RNF220: variants seen among roughly 807,000 people sequenced by gnomAD.
RNF220 encodes the protein ring finger protein 220, also known as E3 ubiquitin-protein ligase RNF220.
A neutral mutation model predicts 67.1 loss-of-function variants in RNF220; 7 were observed. The ratio of observed to expected loss-of-function variants is 0.10; its 90% CI spans 0.06 to 0.20. The LOEUF is 0.20. RNF220 is among the 10% of genes least tolerant of loss of function. RNF220 has a pLI of 1.00. For synonymous variants in RNF220, 270 were observed against 283.2 expected (o/e 0.95, Z 0.47); for missense variants, 565 against 740.3 (o/e 0.76, Z 2.75).
Position 44,417,995 on chromosome 1 carries a change from G to GC in RNF220, c.625+5279dup, listed in dbSNP as rs1311054173. On this transcript the variant is annotated intron_variant, in intron 2 of 14. Transcript: ENST00000361799. The surrounding 1 kb of genome is among the most constrained non-coding windows in gnomAD (Gnocchi z 4.0). ...GGCCGCACACACGAGGGCCCGTCGC[G>GC]CCCCCCGCCCTGCCCCGCCTCGCCC... Among the ~76,000 whole-genome samples, 1 of 151,932 alleles carries GC rather than the reference G, an allele frequency of 6.6e-6. No individual in the cohort carries two copies. Among genetic ancestry groups the GC allele is most frequent in the Non-Finnish European group, 1.5e-5 (1 of 67,912 alleles).
chr1:44,579,986 G>A (rs915318867), intron 2 of RNF220, among the ~76,000 whole-genome samples: 1 of 121,820 alleles, frequency 8.2e-6, no homozygotes, highest in Non-Finnish European at 1.6e-5. Context: ...GCCATGTCAT[G>A]CCACTGCACT....
At chr1:44,579,356 G>A (rs1039910302) in intron 2 of RNF220, among the ~76,000 whole-genome samples, 1 of 152,116 alleles carries the variant, frequency 6.6e-6, no homozygotes, top group Admixed American at 6.6e-5. Context: ...GAAAGGACAG[G>A]GAGGCTTGAT....
At chr1:44,601,051 C>A (rs1256078476) in intron 2 of RNF220, among the ~76,000 whole-genome samples, 2 of 152,198 alleles carry the variant, frequency 1.3e-5, no homozygotes, top group African/African-American at 4.8e-5. Context: ...TGCATCTGTT[C>A]TCTCACTAGA....
At chr1:44,529,169 G>A (rs1191060877) in intron 2 of RNF220, among the ~76,000 whole-genome samples, 1 of 152,088 alleles carries the variant, frequency 6.6e-6, no homozygotes, top group Non-Finnish European at 1.5e-5. Flanking sequence ...ATTATTTATA[G>A]CAGAGAAAAT....
At position 44,632,379 on chromosome 1, in the gene RNF220, C is replaced by T. The variant is rs752073639; in HGVS notation, c.943C>T (p.Leu315=). 1.2e-6 allele frequency: 2 copies of T among 1,613,704 alleles called. No homozygotes were observed. Among genetic ancestry groups the T allele is most frequent in the Non-Finnish European group, 1.7e-6 (2 of 1,179,982 alleles). The change falls in exon 6 of 15, where the codon CTG becomes TTG. Residue 315 remains leucine (L), a synonymous_variant. Coordinates refer to ENST00000361799, the MANE Select transcript of RNF220 (RefSeq NM_018150.4). ...LRVRANRQTR[L]NARIGKMKRR... ...AGTACGAGCCAACCGGCAGACCCGA[C>T]TGAATGGTGAGTCCTGCCCGGCCCC...
intron 2 of RNF220, among the ~76,000 whole-genome samples, chr1:44,607,732 G>A (rs200812006): frequency 8.4e-4 from 127 of 151,692 alleles, no homozygotes; most frequent in African/African-American, 2.8e-3. Context: ...CTCGTGATCC[G>A]CCCGCCTCGG....
intron 2 of RNF220, among the ~76,000 whole-genome samples, chr1:44,487,470 A>C (rs1299981680): frequency 6.6e-6 from 1 of 151,696 alleles, no homozygotes; most frequent in Non-Finnish European, 1.5e-5. Flanking sequence ...TTGAGAGTAA[A>C]GTCTCAAAAT....
chr1:44,494,255 G>A (rs1316781667), intron 2 of RNF220, among the ~76,000 whole-genome samples: 2 of 151,550 alleles, frequency 1.3e-5, no homozygotes, highest in African/African-American at 4.9e-5. Flanking sequence ...AGCAGTAATG[G>A]TGGGGATGGT....
At chr1:44,466,726 C>A (rs4660804) in intron 2 of RNF220, among the ~76,000 whole-genome samples, 46,709 of 152,078 alleles carry the variant, frequency 0.31, 7,367 homozygotes, top group Middle Eastern at 0.4. Context: ...TGATAGGAAT[C>A]TTTTTCTCTT....
chr1:44,408,155 C>T (rs1462707869), intron 1 of RNF220, among the ~76,000 whole-genome samples: 1 of 152,152 alleles, frequency 6.6e-6, no homozygotes, highest in Non-Finnish European at 1.5e-5. Flanking sequence ...ACCTCTTCTT[C>T]CCCCGTTTTC....
At chr1:44,410,749 A>G (rs924004979) in intron 1 of RNF220, 52 of 152,208 alleles carry the variant, frequency 3.4e-4, no homozygotes, top group African/African-American at 1.0e-3. Context: ...ATTTAAAGGT[A>G]TAATTTGTAG....
chr1:44,436,571 T>C (rs930837623), intron 2 of RNF220, among the ~76,000 whole-genome samples: 10 of 152,184 alleles, frequency 6.6e-5, no homozygotes, highest in African/African-American at 2.4e-4. Context: ...TTCTGAGTCC[T>C]GAACCTTTTG....
intron 2 of RNF220, among the ~76,000 whole-genome samples, chr1:44,541,940 G>A (rs962453111): frequency 6.6e-6 from 1 of 152,130 alleles, no homozygotes; most frequent in African/African-American, 2.4e-5. Flanking sequence ...GAATGCCCCC[G>A]GGTGGAGCAA....
At chr1:44,424,259 G>A (rs1649522914) in intron 2 of RNF220, among the ~76,000 whole-genome samples, 1 of 152,198 alleles carries the variant, frequency 6.6e-6, no homozygotes, top group Admixed American at 6.5e-5. Flanking sequence ...CCCAGAATGT[G>A]ATCTAAGGAC....
At chr1:44,462,714 A>G (rs1052777860) in intron 2 of RNF220, among the ~76,000 whole-genome samples, 1 of 152,212 alleles carries the variant, frequency 6.6e-6, no homozygotes, top group East Asian at 1.9e-4. Flanking sequence ...TCACATGAAG[A>G]GTCAGAGTCC....
chr1:44,557,777 A>G (rs1663234294), intron 2 of RNF220, among the ~76,000 whole-genome samples: 1 of 152,220 alleles, frequency 6.6e-6, no homozygotes, highest in South Asian at 2.1e-4. Context: ...CACTTTGCCT[A>G]CAGTTTCAGG....
chr1:44,583,224 A>ATATG (rs1259204777), intron 2 of RNF220, among the ~76,000 whole-genome samples: 1 of 152,034 alleles, frequency 6.6e-6, no homozygotes, highest in African/African-American at 2.4e-5. Flanking sequence ...AGATATATAT[A>ATATG]TATATATACT....
chr1:44,415,468 C>T (rs139999994), intron 2 of RNF220, among the ~76,000 whole-genome samples: 21 of 151,522 alleles, frequency 1.4e-4, no homozygotes, highest in South Asian at 2.1e-4. Context: ...ACAGTGCTTT[C>T]GCCAGATTGC....
intron 2 of RNF220, among the ~76,000 whole-genome samples, chr1:44,455,309 G>A (rs1196560279): frequency 1.3e-5 from 2 of 152,118 alleles, no homozygotes; most frequent in Non-Finnish European, 2.9e-5. Flanking sequence ...GTGACAGGAT[G>A]GGAAAATGGA....
Sources: gnomAD v4.1 joint callset for allele counts (sites outside exome capture counted in the v4.1 genomes callset) on GRCh38, gnomAD v4.1.1 for gene constraint, Gnocchi (gnomAD v3.1) non-coding constraint, MANE v1.5 for transcripts, NCBI Gene and HGNC (gene_info 2026-07-23, HGNC 2026-07-21) for gene names.